Variants in FLNB observed in about 807,000 individuals in gnomAD.
FLNB encodes the protein filamin-B.
FLNB carries 111 observed loss-of-function variants against 250.6 expected under a neutral mutation model. That is an observed-to-expected ratio of 0.44 (90% CI 0.38 to 0.52). The LOEUF (loss-of-function observed/expected upper bound fraction) is 0.52, where lower values mean the gene tolerates loss of function less well. FLNB is among the 20% of genes least tolerant of loss of function. FLNB has a pLI of 0.00. For synonymous variants in FLNB, 1,302 were observed against 1,372.1 expected (o/e 0.95, Z 1.13); for missense variants, 2,869 against 3,447.8 (o/e 0.83, Z 4.20).
chr3:58,109,872 C>T, intron 15 of FLNB, 138 bp from the exon 16 acceptor site: 1 of 1,411,840 alleles, frequency 7.1e-7, no homozygotes, highest in Non-Finnish European at 1.0e-6. Context: ...CATCCCTTTC[C>T]CCAAATCCTT....
intron 4 of FLNB, among the ~76,000 whole-genome samples, chr3:58,088,259 G>C (rs187085012): frequency 2.6e-5 from 4 of 152,118 alleles, no homozygotes; most frequent in Admixed American, 2.6e-4. Flanking sequence ...TGTTGGCCAG[G>C]CTGGTCTCGA....
At position 58,140,259 on chromosome 3, in the gene FLNB, C is replaced by T. The variant is rs142817403; in HGVS notation, c.5110-1599C>T. Among the ~76,000 whole-genome samples the T allele has an allele frequency of 2.4e-4, 37 of 152,364 alleles. No homozygotes were observed. The East Asian group carries it at 6.6e-3, about 27-fold the overall frequency. ...CCACAGGGTGGTTTCTTCAAATACA[C>T]TACTCACACACAGCACATGGAGTCA... On this transcript the variant is annotated intron_variant, in intron 29 of 45. Coordinates refer to ENST00000295956, the MANE Select transcript of FLNB (RefSeq NM_001457.4).
chr3:58,125,636 C>T lies in FLNB; in HGVS notation c.3954C>T (p.Phe1318=), dbSNP rs760153503. 21 of 1,614,088 alleles carry T rather than the reference C, an allele frequency of 1.3e-5. No homozygotes were observed. The East Asian group carries it at 1.3e-4, about 10-fold the overall frequency. ...ACGTGCCTATCCCAAACAGTCCCTT[C>T]AAGGTGGCTGTCACTGAAGGCTGCC... ...YDDVPIPNSP[F]KVAVTEGCQP... The change falls in exon 23 of 46, where the codon TTC becomes TTT. Residue 1318 remains phenylalanine (F), a synonymous_variant. Transcript: ENST00000295956.
chr3:58,151,050 A>G (rs2097343990), intron 38 of FLNB: 1 of 152,638 alleles, frequency 6.6e-6, no homozygotes, highest in South Asian at 2.1e-4. Flanking sequence ...TCACATGGGA[A>G]TGTGGTAAAG....
At position 58,149,887 on chromosome 3, in the gene FLNB, C is replaced by G; in HGVS notation, c.6129C>G (p.Ser2043Arg). The G allele has an allele frequency of 6.2e-7, 1 of 1,614,204 alleles. No individual in the cohort carries two copies. The highest frequency in any genetic ancestry group is 2.2e-5 in the East Asian group (1 of 44,882). Residue 2043 changes from serine (S) to arginine (R), a missense_variant, in exon 37 of 46, where the codon AGC (serine) becomes AGG (arginine). Ser to Arg is a moderately radical substitution (Grantham distance 110, BLOSUM62 -1). Transcript: ENST00000295956. ...GGISLAVEGP[S>R]KVDIQTEDLE... is the part of the protein sequence containing the mutation. ...TATCCTTGGCGGTGGAAGGCCCCAG[C>G]AAAGTGGACATCCAGACGGAGGACC...
intron 1 of FLNB, among the ~76,000 whole-genome samples, chr3:58,062,246 A>G (rs932385529): frequency 2.6e-5 from 4 of 152,236 alleles, no homozygotes; most frequent in Non-Finnish European, 5.9e-5. Context: ...AGATGCAGTC[A>G]TGACTTCTGA....
chr3:58,153,878 T>C (rs1380647959), intron 39 of FLNB, among the ~76,000 whole-genome samples: 3 of 152,216 alleles, frequency 2.0e-5, no homozygotes, highest in Non-Finnish European at 2.9e-5. Flanking sequence ...GCCCGTATCT[T>C]ATTAGTGTGC....
At chr3:58,013,268 A>T (rs1174521889) in intron 1 of FLNB, among the ~76,000 whole-genome samples, 1 of 152,128 alleles carries the variant, frequency 6.6e-6, no homozygotes, top group Non-Finnish European at 1.5e-5. Flanking sequence ...TCCTTTTCAG[A>T]GGATGTGGTC....
chr3:58,044,913 CAA>C (rs2097151431), intron 1 of FLNB, among the ~76,000 whole-genome samples: 1 of 152,224 alleles, frequency 6.6e-6, no homozygotes, highest in Non-Finnish European at 1.5e-5. Context: ...AAAACTGAAT[CAA>C]AGAGTGTGCT....
chr3:58,090,895 G>A (rs1361034520), intron 4 of FLNB, among the ~76,000 whole-genome samples: 2 of 151,992 alleles, frequency 1.3e-5, no homozygotes, highest in African/African-American at 4.8e-5. Flanking sequence ...TGGCTAACAC[G>A]GTGAAACCCT....
chr3:58,023,726 C>T (rs1030529421), intron 1 of FLNB, among the ~76,000 whole-genome samples: 5 of 152,158 alleles, frequency 3.3e-5, no homozygotes, highest in Admixed American at 6.6e-5. Flanking sequence ...ATTTGAGTCT[C>T]ATTGTGGTTT....
intron 4 of FLNB, among the ~76,000 whole-genome samples, chr3:58,089,546 C>CAAA (rs75200893): frequency 6.7e-5 from 4 of 59,688 alleles, no homozygotes; most frequent in South Asian, 5.4e-4. Flanking sequence ...GACTCCATCT[C>CAAA]AAAAAAAAAA....
intron 26 of FLNB, among the ~76,000 whole-genome samples, chr3:58,133,319 AC>A (rs2097310730): frequency 6.6e-6 from 1 of 151,962 alleles, no homozygotes; most frequent in African/African-American, 2.4e-5. Flanking sequence ...AATCCTAACC[AC>A]GTGTGGTGGG....
rs778655151 is a variant in FLNB at position 58,110,175 on chromosome 3, G to T, written c.2484+5G>T. ...AAAGTTCTCTTTGCATCTCAGGTAC[G>T]TGGTGGGGCCTGGGAGGAGATGGGT... On this transcript the variant is annotated splice_donor_5th_base_variant and intron_variant, in intron 16 of 45. Transcript: ENST00000295956. The T allele has an allele frequency of 4.3e-6, 7 of 1,614,072 alleles. No individual in the cohort carries two copies. Among genetic ancestry groups the T allele is most frequent in the Non-Finnish European group, 8.5e-7 (1 of 1,180,012 alleles).
intron 8 of FLNB, 108 bp from the exon 9 acceptor site, chr3:58,102,095 T>G (rs1038518361): frequency 4.5e-5 from 60 of 1,318,942 alleles, no homozygotes; most frequent in Non-Finnish European, 6.1e-5. Flanking sequence ...CTGCATACTA[T>G]TTGTGCAAAG....
chr3:58,089,968 G>A (rs963406044), intron 4 of FLNB, among the ~76,000 whole-genome samples: 1 of 151,922 alleles, frequency 6.6e-6, no homozygotes, highest in Non-Finnish European at 1.5e-5. Flanking sequence ...TTTATTTTTA[G>A]TAGAGACGTA....
At position 58,142,561 on chromosome 3, in the gene FLNB, G is replaced by T. The variant is rs1307182820; in HGVS notation, c.5182-89G>T. ...TCCCAAATCCCGGCCTCACTGGCTT[G>T]TAGAATTCCCAGCAGCTCTAACCCC... On this transcript the variant is annotated intron_variant, in intron 30 of 45. Transcript: ENST00000295956. This position sits in a 1 kb window ranked among gnomAD's most constrained non-coding sequence, Gnocchi z 4.3. The T allele has an allele frequency of 1.8e-4, 204 of 1,147,456 alleles. No homozygotes were observed. The highest frequency in any genetic ancestry group is 6.4e-4 in the East Asian group (26 of 40,880). 71.1% of individuals were successfully genotyped at this position (1,147,456 alleles called of 1,614,324 possible). A position where few individuals can be genotyped will look rare whatever the true frequency, so the allele number is the denominator to read the frequency against.
chr3:58,154,740 A>G (rs768767715), intron 39 of FLNB, 51 bp from the exon 40 acceptor site: 1 of 1,604,228 alleles, frequency 6.2e-7, no homozygotes, highest in Non-Finnish European at 8.5e-7. Context: ...TGGAAGAGGG[A>G]CAGGGGCTCT....
chr3:58,109,216 A>G lies in FLNB; in HGVS notation c.2093A>G (p.Asn698Ser), dbSNP rs759768586. Reference protein sequence around the residue: ...EGQRIDIQMKNRMDGTYACSY... With the variant: ...EGQRIDIQMKSRMDGTYACSY... ...CAACGCATTGACATCCAGATGAAGA[A>G]CCGGATGGACGGCACATATGCATGC... is the stretch of plus-strand genomic sequence containing the variant. The change falls in exon 14 of 46, where the codon AAC becomes AGC. Residue 698 changes from asparagine (N) to serine (S), a missense_variant. Asn to Ser is a conservative substitution (Grantham distance 46). Around this residue, in one of 5 missense-constraint regions of FLNB, gnomAD observed 1,348 missense variants for 1,466.7 expected, o/e 0.92. Coordinates refer to ENST00000295956, the MANE Select transcript of FLNB (RefSeq NM_001457.4). 1 of 1,614,176 alleles carries G rather than the reference A, an allele frequency of 6.2e-7. No homozygotes were observed. The highest frequency in any genetic ancestry group is 1.1e-5 in the South Asian group (1 of 91,080).
Sources: allele counts gnomAD v4.1 joint callset (sites outside exome capture counted in the v4.1 genomes callset), GRCh38; gene constraint gnomAD v4.1.1; regional missense constraint gnomAD v4.1.1; non-coding constraint Gnocchi (gnomAD v3.1); transcripts MANE v1.5; gene names NCBI Gene and HGNC (gene_info 2026-07-23, HGNC 2026-07-21).